GABRB1: variants seen among roughly 807,000 people sequenced by gnomAD.
The protein encoded by GABRB1 is gamma-aminobutyric acid receptor subunit beta-1.
A neutral mutation model predicts 51.6 loss-of-function variants in GABRB1; 17 were observed. The ratio of observed to expected loss-of-function variants is 0.33; its 90% CI spans 0.23 to 0.49. GABRB1 has a LOEUF of 0.49. GABRB1 is among the 20% of genes least tolerant of loss of function. GABRB1 has a pLI of 0.99. For synonymous variants in GABRB1, 247 were observed against 218.9 expected (o/e 1.13, Z -1.14); for missense variants, 410 against 600.6 (o/e 0.68, Z 3.32).
Position 47,031,582 on chromosome 4 carries a change from C to A in GABRB1, c.-70C>A. The A allele has an allele frequency of 1.5e-6, 2 of 1,328,834 alleles. No individual in the cohort carries two copies. Among genetic ancestry groups the A allele is most frequent in the South Asian group, 1.2e-5 (1 of 84,520 alleles). 82.3% of individuals were successfully genotyped at this position (1,328,834 alleles called of 1,614,324 possible). ...GCGCAGGTCCATTCGGGAATTACTG[C>A]CCAGCAGCCGACTAAGTTGCATTCC... On this transcript the variant is annotated 5_prime_UTR_variant, in exon 1 of 9. Coordinates refer to ENST00000295454, the MANE Select transcript of GABRB1 (RefSeq NM_000812.4).
chr4:47,169,285 G>C (rs1334960694), intron 4 of GABRB1, among the ~76,000 whole-genome samples: 1 of 152,104 alleles, frequency 6.6e-6, no homozygotes, highest in African/African-American at 2.4e-5. Context: ...GGTAGAGTTT[G>C]TACAGTGAAA....
intron 4 of GABRB1, among the ~76,000 whole-genome samples, chr4:47,267,513 G>A (rs1204536436): frequency 6.6e-6 from 1 of 152,124 alleles, no homozygotes; most frequent in African/African-American, 2.4e-5. Context: ...AAAAAATGAA[G>A]GCCAGTTGCG....
rs1721622161 is a variant in GABRB1 at position 47,243,639 on chromosome 4, C to A, written c.462-76488C>A. The stretch of plus-strand genomic sequence containing the variant: ...GTTGGATTCCTAGGTATTTTATTCT[C>A]TTTGAAGCAGTTGTGAATGGGAGTT... On this transcript the variant is annotated intron_variant, in intron 4 of 8. Transcript: ENST00000295454. Among the ~76,000 whole-genome samples, 4 of 152,150 alleles carry A rather than the reference C, an allele frequency of 2.6e-5. 1 individual carries two copies. In the South Asian group the frequency reaches 8.3e-4, roughly 32 times the overall value.
chr4:47,123,084 CT>C (rs370447163), intron 3 of GABRB1, among the ~76,000 whole-genome samples: 13 of 151,886 alleles, frequency 8.6e-5, no homozygotes, highest in African/African-American at 2.9e-4. Context: ...CTCATTTTCT[CT>C]TGAATTATTC....
At chr4:47,422,401 T>C (rs1162525182) in intron 8 of GABRB1, among the ~76,000 whole-genome samples, 1 of 152,126 alleles carries the variant, frequency 6.6e-6, no homozygotes, top group Non-Finnish European at 1.5e-5. Context: ...CCATACAAAC[T>C]CCCTTCTCCT....
intron 3 of GABRB1, among the ~76,000 whole-genome samples, chr4:47,076,103 T>A (rs895164088): frequency 6.6e-6 from 1 of 152,238 alleles, no homozygotes; most frequent in Non-Finnish European, 1.5e-5. Context: ...TTGTCTTGTT[T>A]CCTGGTTTAC....
intron 4 of GABRB1, among the ~76,000 whole-genome samples, chr4:47,262,075 A>G (rs1275153866): frequency 6.6e-6 from 1 of 151,606 alleles, no homozygotes. Context: ...TGTTAGACCT[A>G]AAACCATAAA....
intron 5 of GABRB1, among the ~76,000 whole-genome samples, chr4:47,327,036 A>T (rs1725287093): frequency 6.6e-6 from 1 of 152,204 alleles, no homozygotes; most frequent in African/African-American, 2.4e-5. Flanking sequence ...TTGGCTTCAA[A>T]CTTTTCAAGT....
At chr4:47,303,367 G>GCT (rs71602426) in intron 4 of GABRB1, among the ~76,000 whole-genome samples, 31 of 138,474 alleles carry the variant, frequency 2.2e-4, no homozygotes, top group African/African-American at 7.2e-4. Flanking sequence ...TTGAAGGTGT[G>GCT]CTCTCTCTCT....
intron 5 of GABRB1, among the ~76,000 whole-genome samples, chr4:47,327,989 T>G (rs1464431053): frequency 2.0e-5 from 3 of 152,220 alleles, no homozygotes; most frequent in African/African-American, 7.2e-5. Flanking sequence ...CCTGCCTTTT[T>G]AATGATCGCC....
At chr4:47,366,171 T>C (rs1726974989) in intron 5 of GABRB1, among the ~76,000 whole-genome samples, 1 of 152,196 alleles carries the variant, frequency 6.6e-6, no homozygotes, top group Non-Finnish European at 1.5e-5. Flanking sequence ...TATTGTGCCA[T>C]CTGGAATGTG....
intron 4 of GABRB1, among the ~76,000 whole-genome samples, chr4:47,214,416 T>C (rs977695749): frequency 1.3e-5 from 2 of 152,130 alleles, no homozygotes; most frequent in Non-Finnish European, 2.9e-5. Flanking sequence ...CCTACTTACA[T>C]GCAAATTACA....
At chr4:47,273,740 A>T (rs1410690723) in intron 4 of GABRB1, among the ~76,000 whole-genome samples, 1 of 152,202 alleles carries the variant, frequency 6.6e-6, no homozygotes, top group Non-Finnish European at 1.5e-5. Context: ...ATTATTACAC[A>T]GGAGAACACA....
chr4:47,087,426 C>T (rs553875696), intron 3 of GABRB1, among the ~76,000 whole-genome samples: 125 of 152,192 alleles, frequency 8.2e-4, no homozygotes, highest in African/African-American at 2.9e-3. Flanking sequence ...CAGCCCTGGG[C>T]GCTTGCTGCC....
At position 47,008,853 on chromosome 4, in the gene GABRB1, C is replaced by CTTTTTTTTTTTTTTTTTTTTTTTTT. The variant is rs1491180948; in HGVS notation, c.-20+14932_-20+14956dup. 1.0e-4 allele frequency among the ~76,000 whole-genome samples: 8 copies of CTTTTTTTTTTTTTTTTTTTTTTTTT among 80,096 alleles called. 1 individual carries two copies. Among genetic ancestry groups the CTTTTTTTTTTTTTTTTTTTTTTTTT allele is most frequent in the African/African-American group, 3.7e-4 (7 of 19,008 alleles). 52.5% of individuals were successfully genotyped at this position (80,096 alleles called of 152,430 possible). Reference sequence around the variant, plus strand: ...ACCCTGTCACGCTATCAGATACTACCTTTTTTTTTTTTTTTTTTTTTTTTT... The same window carrying CTTTTTTTTTTTTTTTTTTTTTTTTT: ...ACCCTGTCACGCTATCAGATACTACCTTTTTTTTTTTTTTTTTTTTTTTTTTTTTTTTTTTTTTTTTTTTTTTTTT... On this transcript the variant is annotated intron_variant, in intron 1 of 3. Coordinates refer to the GABRB1 transcript ENST00000513567.
chr4:47,079,787 G>A (rs1277480240), intron 3 of GABRB1, among the ~76,000 whole-genome samples: 1 of 138,030 alleles, frequency 7.2e-6, no homozygotes, highest in Admixed American at 8.1e-5. Flanking sequence ...TCATAGGTGG[G>A]AACTGAACAA....
chr4:47,290,775 A>G (rs1288765824), intron 4 of GABRB1, among the ~76,000 whole-genome samples: 1 of 152,146 alleles, frequency 6.6e-6, no homozygotes, highest in Non-Finnish European at 1.5e-5. Flanking sequence ...TGGAACTGTG[A>G]ACTCCAGCAA....
chr4:47,271,824 G>T (rs1289057597), intron 4 of GABRB1, among the ~76,000 whole-genome samples: 1 of 152,154 alleles, frequency 6.6e-6, no homozygotes, highest in East Asian at 1.9e-4. Context: ...GTAAAATTCA[G>T]CCTGCCTCAT....
chr4:47,176,460 T>G (rs1394719600), intron 4 of GABRB1, among the ~76,000 whole-genome samples: 3 of 152,102 alleles, frequency 2.0e-5, no homozygotes, highest in Non-Finnish European at 2.9e-5. Flanking sequence ...AAGAACAGAC[T>G]TGAGGAAAAC....
Sources: gnomAD v4.1 joint callset for allele counts (sites outside exome capture counted in the v4.1 genomes callset) on GRCh38, gnomAD v4.1.1 for gene constraint, MANE v1.5 for transcripts, NCBI Gene and HGNC (gene_info 2026-07-23, HGNC 2026-07-21) for gene names.